The following FLII variants were observed in gnomAD, a reference collection of about 807,000 sequenced individuals.
FLII encodes the protein protein flightless-1 homolog.
A neutral mutation model predicts 156.2 loss-of-function variants in FLII; 101 were observed. The ratio of observed to expected loss-of-function variants is 0.65; its 90% CI spans 0.55 to 0.76. FLII has a LOEUF of 0.76. Ranked by LOEUF, FLII falls within the 30% of genes least tolerant of loss-of-function variation. FLII has a pLI of 0.00. For synonymous variants in FLII, 767 were observed against 685.8 expected, an observed-to-expected ratio of 1.12 and a Z score of -1.85; for missense variants, 1,675 against 1,682.8, an observed-to-expected ratio of 1.00 and a Z score of 0.08.
At position 18,247,288 on chromosome 17, in the gene FLII, C is replaced by T. The variant is rs1460014556; in HGVS notation, c.2557G>A (p.Val853Met). 3 of 1,612,638 alleles carry T rather than the reference C, an allele frequency of 1.9e-6. No individual in the cohort carries two copies. The highest frequency in any genetic ancestry group is 3.3e-4 in the Middle Eastern group (2 of 6,054). Residue 853 changes from valine (V) to methionine (M), a missense_variant, in exon 21 of 30, where the codon GTG becomes ATG. By Grantham distance (21) the Val-to-Met change is conservative (BLOSUM62 1). This residue lies in a region of FLII where 1,332 missense variants were observed against 1,269.3 expected (regional missense o/e 1.05). Coordinates refer to ENST00000327031, the MANE Select transcript of FLII (RefSeq NM_002018.4). ...TVDYTRNAEA[V>M]LQSPGLSGKV... is the part of the protein sequence containing the mutation. Reference sequence around the variant, plus strand: ...CCGGAGAGACCCGGGCTCTGCAGCACGGCCTCCGCATTGCGTGTGTAGTCC... The same window carrying T: ...CCGGAGAGACCCGGGCTCTGCAGCATGGCCTCCGCATTGCGTGTGTAGTCC...
At chr17:18,253,940 G>A (rs527541457) in intron 7 of FLII, 139 bp downstream of exon 7, 4 of 771,878 alleles carry the variant, frequency 5.2e-6, no homozygotes, top group African/African-American at 3.5e-5. Context: ...CATCATAATC[G>A]CAAAAGTCAC....
chr17:18,247,123 G>GGGGGGGGGGCC, intron 21 of FLII, 46 bp downstream of exon 21: 2 of 1,249,062 alleles, frequency 1.6e-6, no homozygotes, highest in Non-Finnish European at 2.1e-6. Context: ...CCCTCGGCCT[G>GGGGGGGGGGCC]CCCCCCACCC....
rs1203574685 is a variant in FLII at position 18,246,765 on chromosome 17, C to G, written c.2880G>C (p.Glu960Asp). 3 of 1,613,946 alleles carry G rather than the reference C, an allele frequency of 1.9e-6. No homozygotes were observed. The highest frequency in any genetic ancestry group is 2.2e-5 in the South Asian group (2 of 91,052). ...CGGTTGCTTCCTCGCCTTCTTTGCC[C>G]TCGGCCTTCTCCTCCTTGTCTTCCT... ...EKKEDKEEKA[E>D]GKEGEEATAE... is the part of the protein sequence containing the mutation. Residue 960 changes from glutamate (E) to aspartate (D), a missense_variant, in exon 23 of 30, where the codon GAG becomes GAC. By Grantham distance (45) the Glu-to-Asp change is conservative. Transcript: ENST00000327031.
Position 18,248,805 on chromosome 17 carries a change from C to T in FLII, c.2013G>A (p.Lys671=). ...GAQATLSSTT[K]ARLFAEKINK... ...ACCCCACGGTGTCCTTGTACCTGGC[C>T]TTGGTGGTGCTGCTCAGTGTGGCCT... is the stretch of plus-strand genomic sequence containing the variant. The change falls in exon 17 of 30, where the codon AAG becomes AAA. Residue 671 remains lysine (K), a synonymous_variant. Coordinates refer to ENST00000327031, the MANE Select transcript of FLII (RefSeq NM_002018.4). The T allele has an allele frequency of 6.2e-7, 1 of 1,614,026 alleles. No individual in the cohort carries two copies. Among genetic ancestry groups the T allele is most frequent in the Admixed American group, 1.7e-5 (1 of 60,024 alleles).
Position 18,258,649 on chromosome 17 carries a change from G to A in FLII, c.42C>T (p.Asp14=). The change falls in exon 1 of 30, where the codon GAC becomes GAT. Residue 14 remains aspartate (D), a synonymous_variant. Transcript: ENST00000327031. The surrounding 1 kb of genome is among the most constrained non-coding windows in gnomAD (Gnocchi z 4.2). ...TCACCTTGAAGTCGTTGCCGCTGAGGTCCACGCCACGCACGAACGGCAGCA... is the reference window on the plus strand; with the variant it reads ...TCACCTTGAAGTCGTTGCCGCTGAGATCCACGCCACGCACGAACGGCAGCA... ...TGVLPFVRGV[D]LSGNDFKGGY... 1.3e-6 allele frequency: 2 copies of A among 1,555,214 alleles called. No individual in the cohort carries two copies. The highest frequency in any genetic ancestry group is 1.7e-6 in the Non-Finnish European group (2 of 1,160,664).
chr17:18,247,730 TG>T lies in FLII; in HGVS notation c.2413del (p.Gln805ArgfsTer38). ...CCGGTGCAGCATCCCGCACAGCTCC[TG>T]ACCCAGCTTGAGGGCGGCAGCGCGC... ...LVRAAALKLG[Q>X]ELCGMLHRPR... On this transcript the variant is annotated frameshift_variant, in exon 20 of 30. Transcript: ENST00000327031. LOFTEE classifies it high-confidence loss of function. 6.2e-7 allele frequency: 1 copy of T among 1,604,690 alleles called. No homozygotes were observed. The highest frequency in any genetic ancestry group is 8.5e-7 in the Non-Finnish European group (1 of 1,179,756).
Position 18,258,729 on chromosome 17 carries a change from G to A in FLII, c.-39C>T. The A allele has an allele frequency of 7.3e-7, 1 of 1,370,380 alleles. No individual in the cohort carries two copies. The highest frequency in any genetic ancestry group is 9.4e-7 in the Non-Finnish European group (1 of 1,066,398). 84.9% of individuals were successfully genotyped at this position (1,370,380 alleles called of 1,614,324 possible). A position where few individuals can be genotyped will look rare whatever the true frequency, so the allele number is the denominator to read the frequency against. ...CTGCCGGGCCGCGCCGGGCTAGGGA[G>A]CGCCGGGGCGAGGGCGCTGGGGGGA... On this transcript the variant is annotated 5_prime_UTR_variant, in exon 1 of 30. Transcript: ENST00000327031. This position sits in a 1 kb window ranked among gnomAD's most constrained non-coding sequence, Gnocchi z 4.2.
In FLII at chr17:18,254,068, G is replaced by A. The variant is rs1037496659; in HGVS notation, c.679+11C>T. The A allele has an allele frequency of 2.5e-6, 4 of 1,600,374 alleles. No homozygotes were observed. The highest frequency in any genetic ancestry group is 3.4e-6 in the Non-Finnish European group (4 of 1,171,214). On this transcript the variant is annotated intron_variant, in intron 7 of 29. Transcript: ENST00000327031. The stretch of plus-strand genomic sequence containing the variant: ...GGCCCGAGCTCAGAGGGGCTCCTGG[G>A]GCTGCCTGACCTGCGAGGTTGCTCA...
intron 14 of FLII, among the ~76,000 whole-genome samples, chr17:18,250,624 C>G (rs1008117083): frequency 1.3e-5 from 2 of 152,224 alleles, no homozygotes; most frequent in Non-Finnish European, 2.9e-5. Context: ...GCCCCGCGTT[C>G]CAGAACTCTC....
At chr17:18,254,011 T>TG in intron 7 of FLII, 68 bp downstream of exon 7, 1 of 1,259,356 alleles carries the variant, frequency 7.9e-7, no homozygotes, top group Non-Finnish European at 1.1e-6. Flanking sequence ...GTTCAACCCC[T>TG]TCCACCCAAG....
At position 18,254,622 on chromosome 17, in the gene FLII, G is replaced by A; in HGVS notation, c.474C>T (p.Leu158=). The change falls in exon 6 of 30, where the codon CTC becomes CTT. Residue 158 remains leucine (L), a synonymous_variant. Transcript: ENST00000327031. The stretch of plus-strand genomic sequence containing the variant: ...GCAGGCTCTCCAGGCGGTTCTCGCT[G>A]AGGTCCAGGTATAGTAGGTCAGTGA... ...INLTDLLYLD[L]SENRLESLPP... 3.7e-6 allele frequency: 6 copies of A among 1,614,010 alleles called. No homozygotes were observed. Among genetic ancestry groups the A allele is most frequent in the Non-Finnish European group, 5.1e-6 (6 of 1,179,968 alleles).
intron 7 of FLII, 50 bp downstream of exon 7, chr17:18,254,029 G>A (rs759897388): frequency 2.8e-6 from 4 of 1,407,232 alleles, no homozygotes; most frequent in Non-Finnish European, 3.0e-6. Flanking sequence ...AAGGAAGCAA[G>A]AGGGCCCAGA....
At position 18,245,437 on chromosome 17, in the gene FLII, G is replaced by GAGAT. The variant is rs780414188; in HGVS notation, c.3610-22_3610-19dup. 11 of 1,613,754 alleles carry GAGAT rather than the reference G, an allele frequency of 6.8e-6. No homozygotes were observed. Among genetic ancestry groups the GAGAT allele is most frequent in the Admixed American group, 3.3e-5 (2 of 60,008 alleles). ...ATGTAGACCTGTGGGGGCAGCAGGG[G>GAGAT]AGATACGGTTGCATGGGTGCCTGGG... On this transcript the variant is annotated intron_variant, in intron 28 of 29. Coordinates refer to ENST00000327031, the MANE Select transcript of FLII (RefSeq NM_002018.4).
Position 18,253,323 on chromosome 17 carries a change from G to C in FLII, c.991C>G (p.Leu331Val). Residue 331 changes from leucine to valine, a missense_variant, in exon 9 of 30, where the codon CTG becomes GTG. Coordinates refer to ENST00000327031, the MANE Select transcript of FLII (RefSeq NM_002018.4). ...EFMAANNNLE[L>V]VPESLCRCPK... ...CACCTGCAGAGACTTTCAGGGACCAGCTCCAGGTTGTTGTTGGCAGCCATG... is the reference window on the plus strand; with the variant it reads ...CACCTGCAGAGACTTTCAGGGACCACCTCCAGGTTGTTGTTGGCAGCCATG... 1.2e-6 allele frequency: 2 copies of C among 1,613,930 alleles called. No homozygotes were observed. Among genetic ancestry groups the C allele is most frequent in the Non-Finnish European group, 8.5e-7 (1 of 1,180,026 alleles).
In FLII at chr17:18,245,544, C is replaced by A. The variant is rs146766867; in HGVS notation, c.3609+11G>T. 343 of 1,613,094 alleles carry A rather than the reference C, an allele frequency of 2.1e-4. 3 individuals carry two copies. The East Asian group carries it at 7.4e-3, about 35-fold the overall frequency. On this transcript the variant is annotated intron_variant, in intron 28 of 29. Coordinates refer to ENST00000327031, the MANE Select transcript of FLII (RefSeq NM_002018.4). ...CTCCTTGGATGGGCAGGGCTAGTGG[C>A]AACATCACACCTCTTGGCCATTGTC...
chr17:18,250,964 G>A lies in FLII; in HGVS notation c.1650C>T (p.Gly550=), dbSNP rs144125005. 93 of 1,613,826 alleles carry A rather than the reference G, an allele frequency of 5.8e-5. No individual in the cohort carries two copies. The African/African-American group carries it at 9.3e-4, about 16-fold the overall frequency. ...CTTTCTTGTCGAGTGTGGCCTCCCC[G>A]CCAATCCAGTAGTAGATCTCCCAGT... ...SLNWEIYYWI[G]GEATLDKKAC... Residue 550 remains glycine (G), a synonymous_variant, in exon 14 of 30, where the codon GGC becomes GGT. Transcript: ENST00000327031.
chr17:18,246,249 G>A (rs2048047650), intron 24 of FLII, 27 bp from the exon 25 acceptor site: 1 of 1,614,058 alleles, frequency 6.2e-7, no homozygotes, highest in African/African-American at 1.3e-5. Flanking sequence ...GCATCAGCAA[G>A]GATTCAGGCC....
In FLII at chr17:18,247,774, G is replaced by C. The variant is rs1263885083; in HGVS notation, c.2370C>G (p.Arg790=). Residue 790 remains arginine, a synonymous_variant, in exon 20 of 30, where the codon CGC becomes CGG. Transcript: ENST00000327031. The part of the protein sequence containing the change: ...CWSDVFIWLG[R]KSPRLVRAAA... ...CAGCGCGCACCAGGCGCGGGGACTTGCGGCCGAGCCAGATGAACACGTCGG... is the reference window on the plus strand; with the variant it reads ...CAGCGCGCACCAGGCGCGGGGACTTCCGGCCGAGCCAGATGAACACGTCGG... 2 of 1,609,900 alleles carry C rather than the reference G, an allele frequency of 1.2e-6. No homozygotes were observed. The highest frequency in any genetic ancestry group is 1.7e-4 in the Middle Eastern group (1 of 6,060).
At chr17:18,256,035 G>A (rs1011556241) in intron 3 of FLII, among the ~76,000 whole-genome samples, 3 of 152,244 alleles carry the variant, frequency 2.0e-5, no homozygotes, top group African/African-American at 7.2e-5. Context: ...CTGGCCAAGG[G>A]CCTGATGTTC....
Sources: allele counts gnomAD v4.1 joint callset (sites outside exome capture counted in the v4.1 genomes callset), GRCh38; gene constraint gnomAD v4.1.1; regional missense constraint gnomAD v4.1.1; non-coding constraint Gnocchi (gnomAD v3.1); transcripts MANE v1.5; gene names NCBI Gene and HGNC (gene_info 2026-07-23, HGNC 2026-07-21).